Variants in TENM3 observed in about 807,000 individuals in gnomAD.
TENM3 encodes the protein teneurin-3.
A neutral mutation model predicts 255.1 loss-of-function variants in TENM3; 63 were observed. The ratio of observed to expected loss-of-function variants is 0.25; its 90% CI spans 0.20 to 0.30. TENM3 has a LOEUF of 0.30. Among genes scored for constraint, TENM3 ranks in the 10% least tolerant of loss-of-function variants. The pLI, the probability that TENM3 is intolerant of heterozygous loss-of-function variation, is 1.00. For synonymous variants in TENM3, 1,306 were observed against 1,322.3 expected (o/e 0.99, Z 0.27); for missense variants, 2,929 against 3,461.1 (o/e 0.85, Z 3.86).
intron 3 of TENM3, among the ~76,000 whole-genome samples, chr4:182,529,040 A>T (rs1441788632): frequency 2.0e-5 from 3 of 152,220 alleles, no homozygotes; most frequent in Non-Finnish European, 4.4e-5. Flanking sequence ...GCGGTAACAA[A>T]TTTTTGTGAT....
chr4:181,495,436 T>C, the TENM3 span, among the ~76,000 whole-genome samples: 1 of 152,098 alleles, frequency 6.6e-6, no homozygotes, highest in African/African-American at 2.4e-5. Context: ...CCAGTGAGAT[T>C]CCCAAACAGC....
chr4:181,942,574 G>A, the TENM3 span, among the ~76,000 whole-genome samples: 2 of 151,968 alleles, frequency 1.3e-5, no homozygotes, highest in East Asian at 1.9e-4. Context: ...CATATAGTGA[G>A]TTTTCTTTTC....
At chr4:182,550,723 A>G (rs572321673) in intron 3 of TENM3, among the ~76,000 whole-genome samples, 3 of 152,348 alleles carry the variant, frequency 2.0e-5, no homozygotes, top group Admixed American at 6.5e-5. Context: ...ATATGAGGTT[A>G]AAATAGAAGA....
chr4:182,187,097 GA>G lies in TENM3; in HGVS notation c.-76+42349del, dbSNP rs1025761522. On this transcript the variant is annotated intron_variant, in intron 1 of 2. Transcript: ENST00000512480. ...AAAGCAGTTATTCAAAGCATAAAAA[GA>G]AAAAAGAGATTAAAAATAATGGTCT... Among the ~76,000 whole-genome samples, 69 of 151,240 alleles carry G rather than the reference GA, an allele frequency of 4.6e-4. 1 individual carries two copies. The highest frequency in any genetic ancestry group is 4.2e-3 in the Admixed American group (64 of 15,156).
intron 17 of TENM3, among the ~76,000 whole-genome samples, chr4:182,737,611 A>C (rs543842467): frequency 1.3e-5 from 2 of 152,310 alleles, no homozygotes; most frequent in African/African-American, 4.8e-5. Flanking sequence ...GTGCAATCAA[A>C]GTGTGACATG....
At chr4:182,578,981 T>G (rs949899440) in intron 3 of TENM3, among the ~76,000 whole-genome samples, 13 of 152,246 alleles carry the variant, frequency 8.5e-5, no homozygotes, top group Non-Finnish European at 1.5e-5. Context: ...GTTCACCTTC[T>G]TCATGTAGTT....
the TENM3 span, among the ~76,000 whole-genome samples, chr4:181,966,712 A>G: frequency 1.0e-3 from 152 of 152,320 alleles, no homozygotes; most frequent in Non-Finnish European, 1.7e-3. Flanking sequence ...CAGCAACCTA[A>G]TCTCTGAGAG....
At chr4:182,076,390 G>A in the TENM3 span, among the ~76,000 whole-genome samples, 2 of 152,030 alleles carry the variant, frequency 1.3e-5, no homozygotes, top group Non-Finnish European at 2.9e-5. Context: ...TTTTAGTAGA[G>A]ACGGGGTTTC....
intron 6 of TENM3, 67 bp from the exon 7 acceptor site, chr4:182,672,938 A>G (rs987324393): frequency 3.4e-5 from 41 of 1,218,712 alleles, no homozygotes; most frequent in Non-Finnish European, 4.2e-5. Context: ...CAAAAAGTTT[A>G]AAAACCTTTT....
At chr4:181,701,979 C>G in the TENM3 span, among the ~76,000 whole-genome samples, 3 of 152,314 alleles carry the variant, frequency 2.0e-5, no homozygotes, top group African/African-American at 7.2e-5. Flanking sequence ...AGCACAGGAT[C>G]TGTTGACCAG....
chr4:182,177,288 C>T (rs1005853341), intron 1 of TENM3, among the ~76,000 whole-genome samples: 7 of 152,156 alleles, frequency 4.6e-5, no homozygotes, highest in African/African-American at 1.7e-4. Flanking sequence ...CCCACAATTG[C>T]GCCAGATGAA....
At chr4:181,664,592 TG>T in the TENM3 span, among the ~76,000 whole-genome samples, 1 of 152,202 alleles carries the variant, frequency 6.6e-6, no homozygotes, top group Admixed American at 6.5e-5. Context: ...TAGCTGCCAC[TG>T]TGCACCGTCA....
chr4:182,081,583 C>CAAAAAAAAA, the TENM3 span, among the ~76,000 whole-genome samples: 5 of 87,528 alleles, frequency 5.7e-5, no homozygotes, highest in Non-Finnish European at 6.4e-5. Flanking sequence ...GGCTCTGCCT[C>CAAAAAAAAA]AAAAAAAAAA....
rs149974107 is a variant in TENM3 at position 182,747,685 on chromosome 4, T to C, written c.3630-4115T>C. On this transcript the variant is annotated intron_variant, in intron 19 of 27. Transcript: ENST00000511685. ...TAGAACTAAAAATCAACTTTGTGAATTTTATATTACCAATTAAAGGATCAA... is the reference window on the plus strand; with the variant it reads ...TAGAACTAAAAATCAACTTTGTGAACTTTATATTACCAATTAAAGGATCAA... 1.5e-3 allele frequency among the ~76,000 whole-genome samples: 235 copies of C among 152,324 alleles called. 1 individual carries two copies. Among genetic ancestry groups the C allele is most frequent in the Middle Eastern group, 0.01 (3 of 294 alleles).
intron 1 of TENM3, among the ~76,000 whole-genome samples, chr4:182,225,706 C>G (rs1034275380): frequency 6.6e-6 from 1 of 152,164 alleles, no homozygotes; most frequent in Admixed American, 6.5e-5. Context: ...CGGGAGATGT[C>G]TCCAAAATCA....
At chr4:182,069,525 C>T in the TENM3 span, among the ~76,000 whole-genome samples, 1 of 151,992 alleles carries the variant, frequency 6.6e-6, no homozygotes, top group Admixed American at 6.6e-5. Context: ...GAATATGCAC[C>T]CCATTTTTAT....
At chr4:182,345,766 T>G (rs868567519) in intron 2 of TENM3, among the ~76,000 whole-genome samples, 5 of 152,200 alleles carry the variant, frequency 3.3e-5, no homozygotes, top group African/African-American at 1.2e-4. Flanking sequence ...TTTAAGTTAT[T>G]GCAGTGTCAT....
chr4:181,849,202 A>G, the TENM3 span, among the ~76,000 whole-genome samples: 1 of 152,334 alleles, frequency 6.6e-6, no homozygotes, highest in Non-Finnish European at 1.5e-5. Context: ...TACTCCCCTA[A>G]TTAGTGAATG....
chr4:182,665,266 C>T (rs962510958), intron 6 of TENM3, among the ~76,000 whole-genome samples: 12 of 152,138 alleles, frequency 7.9e-5, no homozygotes, highest in African/African-American at 2.4e-4. Flanking sequence ...AACAACAAAG[C>T]CTGGATGACA....
Sources: gnomAD v4.1 joint callset for allele counts (sites outside exome capture counted in the v4.1 genomes callset) on GRCh38, gnomAD v4.1.1 for gene constraint, MANE v1.5 for transcripts, NCBI Gene and HGNC (gene_info 2026-07-23, HGNC 2026-07-21) for gene names.